The following SNX19 variants were observed in gnomAD, a reference collection of about 807,000 sequenced individuals.
SNX19 encodes the protein sorting nexin-19.
A neutral mutation model predicts 85.2 loss-of-function variants in SNX19; 60 were observed. That is an observed-to-expected ratio of 0.70 (90% CI 0.57 to 0.87). The LOEUF (loss-of-function observed/expected upper bound fraction) is 0.87. Ranked by LOEUF, SNX19 falls within the 40% of genes least tolerant of loss-of-function variation. The probability of loss-of-function intolerance (pLI) is 0.00; values close to 1 mark genes in which losing one functional copy is unlikely to be tolerated. For missense variants in SNX19, 1,201 were observed against 1,217.8 expected (o/e 0.99, Z 0.21); for synonymous variants, 520 against 470.0 (o/e 1.11, Z -1.38).
chr11:130,906,767 TGA>T, intron 5 of SNX19, 46 bp from the exon 6 acceptor site: 6 of 1,329,014 alleles, frequency 4.5e-6, no homozygotes, highest in Non-Finnish European at 6.5e-6. Flanking sequence ...TTTATGGCCT[TGA>T]GCCTCACACT....
intron 2 of SNX19, 151 bp downstream of exon 2, chr11:130,911,482 A>C (rs1946120179): frequency 6.7e-7 from 1 of 1,484,296 alleles, no homozygotes; most frequent in African/African-American, 1.4e-5. Flanking sequence ...GCTGTCCAGC[A>C]CTAAACTTCA....
intron 8 of SNX19, among the ~76,000 whole-genome samples, chr11:130,881,874 T>G (rs181311119): frequency 6.6e-6 from 1 of 152,350 alleles, no homozygotes; most frequent in East Asian, 1.9e-4. Flanking sequence ...GCTTTACTTC[T>G]TCAACTAAAT....
In SNX19 at chr11:130,911,779, A is replaced by C; in HGVS notation, c.1675-8T>G. On this transcript the variant is annotated splice_region_variant and splice_polypyrimidine_tract_variant and intron_variant, in intron 1 of 10. Transcript: ENST00000265909. ...GTCAAGGGCTGTCTCGTACTGTTCA[A>C]CGAACAAATTGATTGACTCAATCAG... 1.2e-6 allele frequency: 2 copies of C among 1,613,068 alleles called. No homozygotes were observed. Among genetic ancestry groups the C allele is most frequent in the Non-Finnish European group, 1.7e-6 (2 of 1,179,324 alleles).
At chr11:130,899,509 GAATGGCCTCA>G (rs1362050578) in intron 8 of SNX19, among the ~76,000 whole-genome samples, 2 of 152,226 alleles carry the variant, frequency 1.3e-5, no homozygotes, top group Non-Finnish European at 2.9e-5. Flanking sequence ...AGGGATACAT[GAATGGCCTCA>G]AACAGAGAAG....
chr11:130,880,499 G>C (rs1426958485), intron 9 of SNX19, 123 bp downstream of exon 9: 4 of 843,114 alleles, frequency 4.7e-6, no homozygotes, highest in Non-Finnish European at 7.2e-6. Context: ...TGGGTCAACA[G>C]AGTTTTGAAT....
At position 130,895,145 on chromosome 11, in the gene SNX19, G is replaced by A. The variant is rs535582358; in HGVS notation, c.2573+8110C>T. Reference sequence around the variant, plus strand: ...ATACTGGGAGGCCCAGGTTGTGGAGGGGCGCTGCACTCTTTGGAAAGGAGA... The same window carrying A: ...ATACTGGGAGGCCCAGGTTGTGGAGAGGCGCTGCACTCTTTGGAAAGGAGA... On this transcript the variant is annotated intron_variant, in intron 8 of 10. Coordinates refer to ENST00000265909, the MANE Select transcript of SNX19 (RefSeq NM_014758.3). 390 of 985,436 alleles carry A rather than the reference G, an allele frequency of 4.0e-4. No individual in the cohort carries two copies. In the African/African-American group the frequency reaches 6.0e-3, roughly 15 times the overall value. The allele number at this position is 985,436 out of a possible 1,614,324, so 61.0% of individuals were successfully genotyped here.
rs1031468686 is a variant in SNX19 at position 130,876,855 on chromosome 11, T to C, written c.*1567A>G. The C allele has an allele frequency of 1.0e-4, 16 of 152,424 alleles. No homozygotes were observed. The highest frequency in any genetic ancestry group is 5.9e-4 in the Admixed American group (9 of 15,286). The allele number at this position is 152,424 out of a possible 1,614,324, so 9.4% of individuals were successfully genotyped here. ...CAACTTTTAAGGCTAGAAGAGGCCATGAGACATCTCATTCATCTCCTTGCC... is the reference window on the plus strand; with the variant it reads ...CAACTTTTAAGGCTAGAAGAGGCCACGAGACATCTCATTCATCTCCTTGCC... On this transcript the variant is annotated 3_prime_UTR_variant, in exon 11 of 11. Coordinates refer to ENST00000265909, the MANE Select transcript of SNX19 (RefSeq NM_014758.3).
At chr11:130,880,250 T>C (rs1943559452) in intron 9 of SNX19, among the ~76,000 whole-genome samples, 1 of 152,214 alleles carries the variant, frequency 6.6e-6, no homozygotes, top group South Asian at 2.1e-4. Flanking sequence ...ATGCTATGAA[T>C]TGGTAGAGAA....
chr11:130,874,025 TG>T lies in SNX19; in HGVS notation c.*4396del, dbSNP rs1198272571. Among the ~76,000 whole-genome samples the T allele has an allele frequency of 7.6e-5, 9 of 118,498 alleles. No individual in the cohort carries two copies. Among genetic ancestry groups the T allele is most frequent in the African/African-American group, 2.6e-4 (9 of 34,304 alleles). The allele number at this position is 118,498 out of a possible 152,430, so 77.7% of individuals were successfully genotyped here. On this transcript the variant is annotated 3_prime_UTR_variant, in exon 11 of 11. Transcript: ENST00000265909. ...AGCCAATGAGTCATAAGAGGTTTTT[TG>T]TTTTTTTTTTTTTTATTTGGGGTCT...
chr11:130,894,012 G>A (rs1349768508), intron 8 of SNX19: 5 of 576,370 alleles, frequency 8.7e-6, no homozygotes, highest in African/African-American at 5.6e-5. Context: ...GTTAATGGGG[G>A]AGAGCCAAAC....
Position 130,869,650 on chromosome 11 carries a change from T to C in SNX19, c.*8772A>G, listed in dbSNP as rs1171750456. ...GATGTGAATGGCTAAACTTTCTAGT[T>C]GTGTGAATAGTTTGCAACATATAAA... is the stretch of plus-strand genomic sequence containing the variant. On this transcript the variant is annotated 3_prime_UTR_variant, in exon 11 of 11. Coordinates refer to ENST00000265909, the MANE Select transcript of SNX19 (RefSeq NM_014758.3). The C allele has an allele frequency of 6.7e-6, 1 of 148,550 alleles. No homozygotes were observed. The highest frequency in any genetic ancestry group is 1.9e-4 in the East Asian group (1 of 5,186). The allele number at this position is 148,550 out of a possible 1,614,324, so 9.2% of individuals were successfully genotyped here.
chr11:130,877,768 G>C lies in SNX19; in HGVS notation c.*654C>G, dbSNP rs565782567. ...GTCAGCTTTGAAGTCTTCTGGAAAG[G>C]AAAGTGTAGCCTCCCAGGCAAGCAG... On this transcript the variant is annotated 3_prime_UTR_variant, in exon 11 of 11. Coordinates refer to ENST00000265909, the MANE Select transcript of SNX19 (RefSeq NM_014758.3). 2.6e-4 allele frequency: 40 copies of C among 152,756 alleles called. No homozygotes were observed. Among genetic ancestry groups the C allele is most frequent in the African/African-American group, 9.4e-4 (39 of 41,576 alleles). 9.5% of individuals were successfully genotyped at this position (152,756 alleles called of 1,614,324 possible).
At chr11:130,882,517 G>C (rs1334642028) in intron 8 of SNX19, among the ~76,000 whole-genome samples, 1 of 152,254 alleles carries the variant, frequency 6.6e-6, no homozygotes, top group African/African-American at 2.4e-5. Context: ...TAAGGTAATA[G>C]CAGGGCAAGA....
At chr11:130,882,663 G>A (rs1049173365) in intron 8 of SNX19, among the ~76,000 whole-genome samples, 4 of 152,218 alleles carry the variant, frequency 2.6e-5, no homozygotes, top group African/African-American at 9.6e-5. Flanking sequence ...TAAGATGCCT[G>A]ATGAAAGGAA....
At chr11:130,896,946 G>A (rs10894278) in intron 8 of SNX19, among the ~76,000 whole-genome samples, 95,920 of 151,074 alleles carry the variant, frequency 0.63, 30,702 homozygotes, top group South Asian at 0.8. Flanking sequence ...CACAGAAAGC[G>A]CCTTGATTCT....
Position 130,915,473 on chromosome 11 carries a change from T to C in SNX19, c.467A>G (p.Gln156Arg), listed in dbSNP as rs1341392187. ...MSVMDSHAVAQSVLTLCGCHL... is the reference protein window; with the variant it reads ...MSVMDSHAVARSVLTLCGCHL... ...ACAACCGCAGAGAGTCAGAACACTC[T>C]GGGCAACAGCATGACTGTCCATCAC... Residue 156 changes from glutamine (Q) to arginine (R), a missense_variant, in exon 1 of 11, where the codon CAG (glutamine) becomes CGG (arginine). Gln to Arg is a conservative substitution (Grantham distance 43). Around this residue, in one of 3 missense-constraint regions of SNX19, gnomAD observed 791 missense variants for 750.9 expected, o/e 1.05. Transcript: ENST00000265909. 6.2e-7 allele frequency: 1 copy of C among 1,614,064 alleles called. No homozygotes were observed. The highest frequency in any genetic ancestry group is 1.7e-5 in the Admixed American group (1 of 60,014).
chr11:130,877,254 A>G lies in SNX19; in HGVS notation c.*1168T>C, dbSNP rs1943309501. On this transcript the variant is annotated 3_prime_UTR_variant, in exon 11 of 11. Transcript: ENST00000265909. ...CCTGTGACTGTCTGCAGCCTTTTCT[A>G]CCAGCAATTCCTCCTGATTTATCCT... The G allele has an allele frequency of 6.6e-6, 1 of 152,226 alleles. No individual in the cohort carries two copies. The highest frequency in any genetic ancestry group is 2.4e-5 in the African/African-American group (1 of 41,452). The allele number at this position is 152,226 out of a possible 1,614,324, so 9.4% of individuals were successfully genotyped here. A position where few individuals can be genotyped will look rare whatever the true frequency, so the allele number is the denominator to read the frequency against.
chr11:130,899,935 G>A (rs77636856), intron 8 of SNX19, among the ~76,000 whole-genome samples: 4 of 152,328 alleles, frequency 2.6e-5, no homozygotes, highest in East Asian at 1.9e-4. Flanking sequence ...AAGTCAGAAT[G>A]TGAAAAGAGG....
At chr11:130,903,839 G>T (rs370365580) in intron 7 of SNX19, among the ~76,000 whole-genome samples, 1 of 151,900 alleles carries the variant, frequency 6.6e-6, no homozygotes, top group African/African-American at 2.4e-5. Flanking sequence ...CACAACTAGT[G>T]ACTAAGTGTA....
Sources: allele counts gnomAD v4.1 joint callset (sites outside exome capture counted in the v4.1 genomes callset), GRCh38; gene constraint gnomAD v4.1.1; regional missense constraint gnomAD v4.1.1; transcripts MANE v1.5; gene names NCBI Gene and HGNC (gene_info 2026-07-23, HGNC 2026-07-21).